PIGP: variants seen among roughly 807,000 people sequenced by gnomAD.
The protein encoded by PIGP is phosphatidylinositol glycan anchor biosynthesis class P.
PIGP carries 12 observed loss-of-function variants against 16.9 expected under a neutral mutation model. The ratio of observed to expected loss-of-function variants is 0.71; its 90% CI spans 0.46 to 1.15. The LOEUF is 1.15. Ranked by LOEUF, PIGP falls within the 50% of genes most tolerant of loss-of-function variation. The pLI is 0.00. For synonymous variants in PIGP, 57 were observed against 54.7 expected, an observed-to-expected ratio of 1.04 and a Z score of -0.18; for missense variants, 159 against 153.5, an observed-to-expected ratio of 1.04 and a Z score of -0.19.
intron 2 of PIGP, 41 bp downstream of exon 2, chr21:37,072,393 G>T: frequency 6.2e-7 from 1 of 1,612,086 alleles, no homozygotes; most frequent in South Asian, 1.1e-5. Flanking sequence ...GTCACTGAAC[G>T]CCAGAAAAAG....
At position 37,067,310 on chromosome 21, in the gene PIGP, T is replaced by A. The variant is rs530375216; in HGVS notation, c.226A>T (p.Ile76Phe). 99 of 1,611,848 alleles carry A rather than the reference T, an allele frequency of 6.1e-5. No individual in the cohort carries two copies. The highest frequency in any genetic ancestry group is 7.9e-5 in the Non-Finnish European group (93 of 1,178,160). ...IVIGYVLLFG[I>F]NMMSTSPLDS... Reference sequence around the variant, plus strand: ...AGTGGAGAGGTACTCATCATGTTAATCCCAAACAAGAGCACGTAGCCAATT... The same window carrying A: ...AGTGGAGAGGTACTCATCATGTTAAACCCAAACAAGAGCACGTAGCCAATT... The change falls in exon 4 of 5, where the codon ATT (isoleucine) becomes TTT (phenylalanine). Residue 76 changes from isoleucine (I) to phenylalanine (F), a missense_variant. Ile to Phe is a conservative substitution (Grantham distance 21). Coordinates refer to ENST00000360525, the MANE Select transcript of PIGP (RefSeq NM_153682.3).
intron 2 of PIGP, 56 bp from the exon 3 acceptor site, chr21:37,069,680 A>C: frequency 1.9e-6 from 2 of 1,069,406 alleles, no homozygotes; most frequent in South Asian, 3.0e-5. Context: ...ACATACATCT[A>C]ATCTATCAAT....
chr21:37,072,827 C>G (rs1436496449), intron 1 of PIGP, 173 bp downstream of exon 1: 3 of 508,640 alleles, frequency 5.9e-6, no homozygotes, highest in Admixed American at 3.7e-5. Context: ...GGGCAGGGAA[C>G]AAGGCTCGCG....
At chr21:37,066,861 C>T (rs2069911754) in intron 4 of PIGP, among the ~76,000 whole-genome samples, 1 of 152,122 alleles carries the variant, frequency 6.6e-6, no homozygotes, top group African/African-American at 2.4e-5. Context: ...TAATTTATTT[C>T]CTCCATGAAT....
chr21:37,065,852 T>TTA, intron 4 of PIGP, 140 bp from the exon 5 acceptor site: 1 of 637,488 alleles, frequency 1.6e-6, no homozygotes, highest in Non-Finnish European at 2.7e-6. Context: ...ATTAGATGAT[T>TTA]ACTTAAATCC....
intron 2 of PIGP, among the ~76,000 whole-genome samples, chr21:37,071,551 C>T (rs2070032895): frequency 6.6e-6 from 1 of 152,212 alleles, no homozygotes; most frequent in Non-Finnish European, 1.5e-5. Context: ...GTAACTTCTT[C>T]ACTTCACTTC....
At chr21:37,068,150 C>T (rs2069938581) in intron 3 of PIGP, among the ~76,000 whole-genome samples, 1 of 151,712 alleles carries the variant, frequency 6.6e-6, no homozygotes, top group Admixed American at 6.6e-5. Flanking sequence ...CACACCACCA[C>T]ACCTGGCTAA....
chr21:37,072,495 C>T lies in PIGP; in HGVS notation c.21G>A (p.Ser7=). ...CATAAATCGCTCTTTCTGGCAATGG[C>T]GACGGTGAATTTTCCACCATTTTTC... is the stretch of plus-strand genomic sequence containing the variant. MVENSP[S]PLPERAIYGF... Residue 7 remains serine (S), a synonymous_variant, in exon 2 of 5, where the codon TCG becomes TCA. Transcript: ENST00000360525. 1 of 1,614,220 alleles carries T rather than the reference C, an allele frequency of 6.2e-7. No homozygotes were observed. The highest frequency in any genetic ancestry group is 8.5e-7 in the Non-Finnish European group (1 of 1,180,028).
chr21:37,067,793 T>C (rs969301275), intron 3 of PIGP, among the ~76,000 whole-genome samples: 3 of 152,230 alleles, frequency 2.0e-5, no homozygotes, highest in African/African-American at 7.2e-5. Context: ...TTAGAAATAA[T>C]TGTACCTACA....
chr21:37,065,568 T>C lies in PIGP; in HGVS notation c.*14A>G. The C allele has an allele frequency of 1.2e-6, 2 of 1,605,650 alleles. No homozygotes were observed. Among genetic ancestry groups the C allele is most frequent in the Non-Finnish European group, 1.7e-6 (2 of 1,177,542 alleles). On this transcript the variant is annotated 3_prime_UTR_variant, in exon 5 of 5. Coordinates refer to ENST00000360525, the MANE Select transcript of PIGP (RefSeq NM_153682.3). ...AATAAATACGTGCTTGGTGTTACTA[T>C]GGTTACACACAGTTCAGTTTTTGGT...
intron 3 of PIGP, among the ~76,000 whole-genome samples, chr21:37,068,451 A>G (rs903533806): frequency 1.3e-5 from 2 of 151,710 alleles, no homozygotes; most frequent in African/African-American, 4.8e-5. Flanking sequence ...CATAGTTATA[A>G]TTGTTTCTTA....
At chr21:37,072,644 G>A (rs2070170806) in intron 1 of PIGP, 107 bp from the exon 2 acceptor site, 10 of 1,570,098 alleles carry the variant, frequency 6.4e-6, no homozygotes, top group Non-Finnish European at 8.7e-6. Flanking sequence ...GCGCAGAACC[G>A]CCTCCCGCGC....
intron 1 of PIGP, 147 bp from the exon 2 acceptor site, chr21:37,072,684 A>G: frequency 8.0e-6 from 11 of 1,374,166 alleles, no homozygotes; most frequent in Non-Finnish European, 1.1e-5. Context: ...CCCCGCCTCG[A>G]GCGCATACAG....
At chr21:37,068,207 GTTTTT>G (rs35093316) in intron 3 of PIGP, among the ~76,000 whole-genome samples, 1 of 143,528 alleles carries the variant, frequency 7.0e-6, no homozygotes, top group African/African-American at 2.6e-5. Flanking sequence ...TTGGCCAGAT[GTTTTT>G]TTTTTTTTAA....
intron 2 of PIGP, among the ~76,000 whole-genome samples, chr21:37,071,496 G>A (rs2070027309): frequency 1.3e-5 from 2 of 152,218 alleles, no homozygotes; most frequent in African/African-American, 4.8e-5. Context: ...GAGGGTCCCA[G>A]CTCACATGGC....
At chr21:37,066,556 A>T (rs1307438423) in intron 4 of PIGP, among the ~76,000 whole-genome samples, 2 of 152,234 alleles carry the variant, frequency 1.3e-5, no homozygotes, top group African/African-American at 2.4e-5. Context: ...ATTTATTTTC[A>T]TCTTTAGACT....
In PIGP at chr21:37,072,236, T is replaced by G. The variant is rs1432571110; in HGVS notation, c.82+198A>C. ...ATCGCGTCTGGTGCTGTATAAATAT[T>G]TGTAGAGACTAAAACCTCCTAGGCT... On this transcript the variant is annotated intron_variant, in intron 2 of 4. Coordinates refer to ENST00000360525, the MANE Select transcript of PIGP (RefSeq NM_153682.3). 14 of 1,611,842 alleles carry G rather than the reference T, an allele frequency of 8.7e-6. No homozygotes were observed. The African/African-American group carries it at 1.1e-4, about 12-fold the overall frequency.
At chr21:37,067,507 C>A (rs896182559) in intron 3 of PIGP, 127 bp from the exon 4 acceptor site, 2 of 585,410 alleles carry the variant, frequency 3.4e-6, no homozygotes, top group Admixed American at 2.8e-5. Context: ...ACATAAGAGA[C>A]AAATAGTTCC....
rs114319840 is a variant in PIGP, at chr21:37,067,297, C to T, written c.239G>A (p.Ser80Asn). The T allele has an allele frequency of 8.0e-5, 129 of 1,608,402 alleles. 1 individual carries two copies. The East Asian group carries it at 2.8e-3, about 35-fold the overall frequency. ...ATGGATGGAGTCGAGTGGAGAGGTA[C>T]TCATCATGTTAATCCCAAACAAGAG... ...YVLLFGINMM[S>N]TSPLDSIHTI... The change falls in exon 4 of 5, where the codon AGT (serine) becomes AAT (asparagine). Residue 80 changes from serine (S) to asparagine (N), a missense_variant. Transcript: ENST00000360525.
Sources: allele counts gnomAD v4.1 joint callset (sites outside exome capture counted in the v4.1 genomes callset), GRCh38; gene constraint gnomAD v4.1.1; transcripts MANE v1.5; gene names NCBI Gene and HGNC (gene_info 2026-07-23, HGNC 2026-07-21).